DENND2C: variants seen among roughly 807,000 people sequenced by gnomAD.
DENND2C encodes DENN domain-containing protein 2C.
In DENND2C, 72 loss-of-function variants were observed where a neutral mutation model predicts 112.4. The observed-to-expected ratio is 0.64, with a 90% CI of 0.53 to 0.78. The LOEUF is 0.78. Among genes scored for constraint, DENND2C ranks in the 30% least tolerant of loss-of-function variants. DENND2C has a pLI of 0.00. For missense variants in DENND2C, 992 were observed against 1,113.8 expected (o/e 0.89, Z 1.56); for synonymous variants, 329 against 381.6 (o/e 0.86, Z 1.61).
chr1:114,585,526 G>T lies in DENND2C; in HGVS notation c.*74C>A. ...CAAGAATTTTGTAGAATACTTCATG[G>T]GATCCTGACCCTTAGAAAAATATTT... On this transcript the variant is annotated 3_prime_UTR_variant, in exon 21 of 21. Transcript: ENST00000393274. 6.6e-7 allele frequency: 1 copy of T among 1,506,608 alleles called. No homozygotes were observed. Among genetic ancestry groups the T allele is most frequent in the Non-Finnish European group, 9.2e-7 (1 of 1,092,020 alleles). 93.3% of individuals were successfully genotyped at this position (1,506,608 alleles called of 1,614,324 possible). A position where few individuals can be genotyped will look rare whatever the true frequency, so the allele number is the denominator to read the frequency against.
chr1:114,651,631 T>C (rs1057189203), intron 2 of DENND2C, among the ~76,000 whole-genome samples: 1 of 151,748 alleles, frequency 6.6e-6, no homozygotes, highest in Non-Finnish European at 1.5e-5. Flanking sequence ...CCCAGCTACT[T>C]GGGAGGCTGA....
At chr1:114,625,067 C>G in intron 4 of DENND2C, 112 bp downstream of exon 4, 1 of 1,061,906 alleles carries the variant, frequency 9.4e-7, no homozygotes, top group East Asian at 2.6e-5. Context: ...ATGTTCAAAG[C>G]AGGGGCATCA....
intron 3 of DENND2C, among the ~76,000 whole-genome samples, chr1:114,643,741 T>A (rs1055881087): frequency 1.3e-5 from 2 of 152,194 alleles, no homozygotes; most frequent in Non-Finnish European, 2.9e-5. Flanking sequence ...TAAGAATCTT[T>A]AAAAAATAAA....
Position 114,594,476 on chromosome 1 carries a change from G to T in DENND2C, c.2428C>A (p.Gln810Lys), listed in dbSNP as rs747744355. The change falls in exon 18 of 21, where the codon CAA becomes AAA. Residue 810 changes from glutamine (Q) to lysine (K), a missense_variant. This residue lies in a region of DENND2C where 516 missense variants were observed against 623.6 expected (regional missense o/e 0.83). Transcript: ENST00000393274. ...CCTTGGCTCACTTGTCTCATACCTT[G>T]TGAAAAATTCTGCTCCTGAGTCAAG... ...EILTQEQNFS[Q>K]DVTLNSLVSE... 2 of 1,613,380 alleles carry T rather than the reference G, an allele frequency of 1.2e-6. No homozygotes were observed. The highest frequency in any genetic ancestry group is 2.2e-5 in the East Asian group (1 of 44,876).
chr1:114,646,937 A>G (rs1657004884), intron 2 of DENND2C, among the ~76,000 whole-genome samples: 1 of 152,130 alleles, frequency 6.6e-6, no homozygotes, highest in African/African-American at 2.4e-5. Flanking sequence ...AGGTGGGAGG[A>G]TCACCTGAGG....
intron 8 of DENND2C, among the ~76,000 whole-genome samples, chr1:114,615,479 C>A (rs868630641): frequency 6.6e-6 from 1 of 152,160 alleles, no homozygotes; most frequent in African/African-American, 2.4e-5. Flanking sequence ...TTATAATAGT[C>A]CCTACCTCCT....
intron 9 of DENND2C, among the ~76,000 whole-genome samples, chr1:114,609,537 A>C (rs1655755071): frequency 6.6e-6 from 1 of 152,254 alleles, no homozygotes; most frequent in South Asian, 2.1e-4. Context: ...CATACTATTT[A>C]AACAGTCATA....
At chr1:114,644,151 G>A (rs1231136395) in intron 3 of DENND2C, among the ~76,000 whole-genome samples, 2 of 151,848 alleles carry the variant, frequency 1.3e-5, no homozygotes, top group African/African-American at 4.8e-5. Context: ...ACCAAACCAG[G>A]CCACCATCAC....
chr1:114,636,701 G>A (rs962235464), intron 3 of DENND2C, among the ~76,000 whole-genome samples: 6 of 151,594 alleles, frequency 4.0e-5, no homozygotes, highest in African/African-American at 1.5e-4. Context: ...AATGAATAAG[G>A]CAAGAAAAAC....
intron 18 of DENND2C, among the ~76,000 whole-genome samples, chr1:114,590,297 G>A (rs1197114393): frequency 6.6e-6 from 1 of 152,148 alleles, no homozygotes; most frequent in Non-Finnish European, 1.5e-5. Flanking sequence ...GGCTGAGGAA[G>A]GAGGATTGCT....
intron 3 of DENND2C, among the ~76,000 whole-genome samples, chr1:114,642,652 G>A (rs890598839): frequency 2.6e-5 from 4 of 152,174 alleles, no homozygotes; most frequent in Non-Finnish European, 4.4e-5. Context: ...CCATGAGGTA[G>A]ATACTACTGT....
At chr1:114,664,790 T>G (rs1234237257) in intron 1 of DENND2C, among the ~76,000 whole-genome samples, 1 of 151,144 alleles carries the variant, frequency 6.6e-6, no homozygotes, top group Non-Finnish European at 1.5e-5. Flanking sequence ...AAAAAATTGT[T>G]TTTTAATTAG....
rs561483018 is a variant in DENND2C, at chr1:114,613,217, C to T, written c.1325-2100G>A. ...CTATGTGGATCTCTATGTGTTGATA[C>T]TGAAAGAGCTCTGAAGTACATTAAT... On this transcript the variant is annotated intron_variant, in intron 8 of 20. Coordinates refer to ENST00000393274, the MANE Select transcript of DENND2C (RefSeq NM_001256404.2). 2.6e-5 allele frequency among the ~76,000 whole-genome samples: 4 copies of T among 152,150 alleles called. No individual in the cohort carries two copies. The South Asian group carries it at 8.3e-4, about 32-fold the overall frequency.
In DENND2C at chr1:114,600,239, C is replaced by T; in HGVS notation, c.2070G>A (p.Leu690=). 2 of 1,613,970 alleles carry T rather than the reference C, an allele frequency of 1.2e-6. No individual in the cohort carries two copies. Among genetic ancestry groups the T allele is most frequent in the Non-Finnish European group, 1.7e-6 (2 of 1,179,972 alleles). ...HLIRVCASLL[L]ERRVIFVANS... Reference sequence around the variant, plus strand: ...TGGCAACAAAGATTACCCTACGCTCCAAAAGGAGAGAGGCACAGACCCGGA... The same window carrying T: ...TGGCAACAAAGATTACCCTACGCTCTAAAAGGAGAGAGGCACAGACCCGGA... The change falls in exon 15 of 21, where the codon TTG becomes TTA. Residue 690 remains leucine, a synonymous_variant. Transcript: ENST00000393274.
intron 1 of DENND2C, among the ~76,000 whole-genome samples, chr1:114,666,551 G>C (rs1329637853): frequency 6.6e-6 from 1 of 152,108 alleles, no homozygotes; most frequent in Non-Finnish European, 1.5e-5. Flanking sequence ...TGACTCCCTG[G>C]TTCAAATGAT....
chr1:114,593,916 T>C (rs1454957207), intron 18 of DENND2C, among the ~76,000 whole-genome samples: 1 of 152,218 alleles, frequency 6.6e-6, no homozygotes, highest in African/African-American at 2.4e-5. Flanking sequence ...AAAATGTATG[T>C]CAAGTGCTTA....
At chr1:114,605,053 G>A (rs1655621354) in intron 10 of DENND2C, 22 bp from the exon 11 acceptor site, 4 of 1,558,180 alleles carry the variant, frequency 2.6e-6, no homozygotes, top group Non-Finnish European at 3.5e-6. Context: ...AACACCATAG[G>A]TGACTTAAAT....
chr1:114,601,377 A>G, intron 13 of DENND2C, 131 bp downstream of exon 13: 1 of 842,016 alleles, frequency 1.2e-6, no homozygotes, highest in Non-Finnish European at 1.9e-6. Context: ...ATGTAAGTTT[A>G]AGCCTTCAGG....
chr1:114,586,763 C>T (rs1205898636), intron 20 of DENND2C: 1 of 150,320 alleles, frequency 6.7e-6, no homozygotes, highest in Admixed American at 6.6e-5. Context: ...TTTTTAGAGA[C>T]AAGAATCTCA....
Sources: gnomAD v4.1 joint callset for allele counts (sites outside exome capture counted in the v4.1 genomes callset) on GRCh38, gnomAD v4.1.1 for gene constraint, gnomAD v4.1.1 regional missense constraint, MANE v1.5 for transcripts, NCBI Gene and HGNC (gene_info 2026-07-23, HGNC 2026-07-21) for gene names.